Variants in TXNRD3 observed in about 807,000 individuals in gnomAD.
TXNRD3 encodes the protein thioredoxin reductase 3, also known as TXNRD3 neighbor gene protein.
TXNRD3 carries 68 observed loss-of-function variants against 78.2 expected under a neutral mutation model. The ratio of observed to expected loss-of-function variants is 0.87; its 90% CI spans 0.72 to 1.06. TXNRD3 has a LOEUF of 1.06. Ranked by LOEUF, TXNRD3 falls within the 50% of genes least tolerant of loss-of-function variation. The probability of loss-of-function intolerance (pLI) is 0.00; values close to 1 mark genes in which losing one functional copy is unlikely to be tolerated. For missense variants in TXNRD3, 751 were observed against 809.5 expected, an observed-to-expected ratio of 0.93 and a Z score of 0.88; for synonymous variants, 296 against 300.1, an observed-to-expected ratio of 0.99 and a Z score of 0.14.
chr3:126,643,995 TG>T lies in TXNRD3; in HGVS notation c.577del (p.Gln193ArgfsTer12). On this transcript the variant is annotated frameshift_variant, in exon 5 of 16. Coordinates refer to ENST00000524230, the MANE Select transcript of TXNRD3 (RefSeq NM_052883.3). LOFTEE classifies it high-confidence loss of function. Reference sequence around the variant, plus strand: ...AAACAACTTACCCCAGGATGTGCCCTGAGGTGACGGGACAACAAAGTCTAGC... The same window carrying T: ...AAACAACTTACCCCAGGATGTGCCCTAGGTGACGGGACAACAAAGTCTAGC... The T allele has an allele frequency of 1.3e-6, 2 of 1,536,024 alleles. No individual in the cohort carries two copies. The highest frequency in any genetic ancestry group is 1.7e-6 in the Non-Finnish European group (2 of 1,146,894).
chr3:126,625,553 A>T (rs938629317), intron 10 of TXNRD3, among the ~76,000 whole-genome samples: 57 of 151,818 alleles, frequency 3.8e-4, no homozygotes, highest in Non-Finnish European at 1.5e-4. Flanking sequence ...CCAGTCTATC[A>T]TTGTTGGACA....
chr3:126,632,730 G>A (rs1938752932), intron 7 of TXNRD3, among the ~76,000 whole-genome samples: 1 of 151,868 alleles, frequency 6.6e-6, no homozygotes, highest in South Asian at 2.1e-4. Context: ...CCATTCACAT[G>A]CTAATATTAA....
At position 126,633,545 on chromosome 3, in the gene TXNRD3, T is replaced by C. The variant is rs535576111; in HGVS notation, c.855+364A>G. On this transcript the variant is annotated intron_variant, in intron 7 of 15. Coordinates refer to ENST00000524230, the MANE Select transcript of TXNRD3 (RefSeq NM_052883.3). ...TTTATCAATGCTTTTATGAATAATA[T>C]AATATTGGAGTTCTAGTTAAGGTTT... Among the ~76,000 whole-genome samples the C allele has an allele frequency of 5.3e-5, 8 of 152,262 alleles. No homozygotes were observed. The South Asian group carries it at 1.2e-3, about 24-fold the overall frequency.
At chr3:126,622,896 A>G (rs1456752428) in intron 10 of TXNRD3, among the ~76,000 whole-genome samples, 1 of 152,120 alleles carries the variant, frequency 6.6e-6, no homozygotes, top group African/African-American at 2.4e-5. Context: ...GGTGTGCTAT[A>G]AGAAGAGGAG....
chr3:126,616,159 G>A (rs1331299115), intron 12 of TXNRD3, among the ~76,000 whole-genome samples: 1 of 152,222 alleles, frequency 6.6e-6, no homozygotes, highest in East Asian at 1.9e-4. Context: ...CAACTTGGGA[G>A]AAGAGAGGGC....
chr3:126,630,723 T>C lies in TXNRD3; in HGVS notation c.1186A>G (p.Ile396Val). 1 of 1,534,290 alleles carries C rather than the reference T, an allele frequency of 6.5e-7. No homozygotes were observed. ...CCATGCAGCCTTACCATCACAGGTA[T>C]GAATTTCCGTAGGAACTTCACACCA... Residue 396 changes from isoleucine to valine, a missense_variant, in exon 9 of 16, where the codon ATA becomes GTA. By Grantham distance (29) the Ile-to-Val change is conservative (BLOSUM62 3). Transcript: ENST00000524230.
intron 9 of TXNRD3, among the ~76,000 whole-genome samples, chr3:126,630,207 T>G (rs1206320672): frequency 6.6e-6 from 1 of 152,208 alleles, no homozygotes; most frequent in Non-Finnish European, 1.5e-5. Flanking sequence ...GACCACTGGA[T>G]TTGATGACAG....
intron 1 of TXNRD3, among the ~76,000 whole-genome samples, chr3:126,649,090 A>G (rs1933310919): frequency 6.6e-6 from 1 of 152,224 alleles, no homozygotes; most frequent in South Asian, 2.1e-4. Context: ...TGCAAATCAC[A>G]TATATGATAA....
In TXNRD3 at chr3:126,654,793, G is replaced by C. The variant is rs958652530; in HGVS notation, c.198C>G (p.Ser66Arg). 4.2e-6 allele frequency: 6 copies of C among 1,431,292 alleles called. No homozygotes were observed. Among genetic ancestry groups the C allele is most frequent in the African/African-American group, 3.0e-5 (2 of 67,174 alleles). The allele number at this position is 1,431,292 out of a possible 1,614,324, so 88.7% of individuals were successfully genotyped here. Residue 66 changes from serine (S) to arginine (R), a missense_variant, in exon 1 of 16, where the codon AGC (serine) becomes AGG (arginine). Ser to Arg is a moderately radical substitution (Grantham distance 110, BLOSUM62 -1). Coordinates refer to ENST00000524230, the MANE Select transcript of TXNRD3 (RefSeq NM_052883.3). ...AGCTCTTGCTGAAGATCACCACCCG[G>C]CTGCGCTCGATGAGGCCCACGAGGT...
At chr3:126,649,916 G>A (rs948970937) in intron 1 of TXNRD3, among the ~76,000 whole-genome samples, 13 of 152,204 alleles carry the variant, frequency 8.5e-5, no homozygotes, top group Non-Finnish European at 1.8e-4. Context: ...TCTGTGGATG[G>A]ATGCTGCTGA....
chr3:126,626,519 G>A (rs777526118), intron 10 of TXNRD3, among the ~76,000 whole-genome samples: 1 of 152,066 alleles, frequency 6.6e-6, no homozygotes, highest in Non-Finnish European at 1.5e-5. Flanking sequence ...ATACATGAAT[G>A]GCCAATAAAC....
In TXNRD3 at chr3:126,633,972, C is replaced by G; in HGVS notation, c.792G>C (p.Leu264=). The stretch of plus-strand genomic sequence containing the variant: ...TGACATAGGCCACAGCCTTTTCCCT[C>G]AGAGACAACCTGTAGCCCCAGTTTA... Residue 264 remains leucine (L), a synonymous_variant, in exon 7 of 16, where the codon CTG becomes CTC. Coordinates refer to ENST00000524230, the MANE Select transcript of TXNRD3 (RefSeq NM_052883.3). 6.6e-7 allele frequency: 1 copy of G among 1,523,584 alleles called. No homozygotes were observed. The allele number at this position is 1,523,584 out of a possible 1,614,324, so 94.4% of individuals were successfully genotyped here.
chr3:126,609,316 C>T (rs976451421), intron 14 of TXNRD3: 3 of 208,894 alleles, frequency 1.4e-5, no homozygotes, highest in Admixed American at 1.4e-4. Context: ...CCAGGAGAAA[C>T]CCTTGCCCAC....
chr3:126,624,657 G>C (rs1938536488), intron 10 of TXNRD3: 1 of 152,224 alleles, frequency 6.6e-6, no homozygotes, highest in Non-Finnish European at 1.5e-5. Context: ...TCCTGACCTT[G>C]TGACCTGCCC....
At chr3:126,646,700 T>C (rs1452920245) in intron 2 of TXNRD3, among the ~76,000 whole-genome samples, 1 of 152,218 alleles carries the variant, frequency 6.6e-6, no homozygotes, top group African/African-American at 2.4e-5. Context: ...GAGCATTTCA[T>C]TCATTAAGGC....
Position 126,621,894 on chromosome 3 carries a change from C to T in TXNRD3, c.1372G>A (p.Gly458Arg). Residue 458 changes from glycine to arginine, a missense_variant, in exon 12 of 16, where the codon GGA becomes AGA. Transcript: ENST00000524230. ...TCCACATCATTTACAGGTATTTTTCCACTCCTATTAGTTTTTGAAATGGGA... is the reference window on the plus strand; with the variant it reads ...TCCACATCATTTACAGGTATTTTTCTACTCCTATTAGTTTTTGAAATGGGA... 1.3e-6 allele frequency: 2 copies of T among 1,507,992 alleles called. No homozygotes were observed. Among genetic ancestry groups the T allele is most frequent in the East Asian group, 2.5e-5 (1 of 40,530 alleles). The allele number at this position is 1,507,992 out of a possible 1,614,324, so 93.4% of individuals were successfully genotyped here.
chr3:126,630,928 A>G lies in TXNRD3; in HGVS notation c.981T>C (p.Leu327=). 1 of 1,535,008 alleles carries G rather than the reference A, an allele frequency of 6.5e-7. No individual in the cohort carries two copies. Among genetic ancestry groups the G allele is most frequent in the Non-Finnish European group, 8.7e-7 (1 of 1,146,560 alleles). The change falls in exon 9 of 16, where the codon CTT becomes CTC. Residue 327 remains leucine, a synonymous_variant. Transcript: ENST00000524230. ...TGCCAGGGCAATAAGGCAGAGAAAA[A>G]AGGTCATCACTGAAAAATAAAAATT...
chr3:126,639,430 T>C (rs189191839), intron 6 of TXNRD3, among the ~76,000 whole-genome samples: 5 of 152,282 alleles, frequency 3.3e-5, no homozygotes, highest in African/African-American at 1.2e-4. Context: ...CAGTCCCCCA[T>C]GTGCTGTGCC....
intron 10 of TXNRD3, 117 bp downstream of exon 10, chr3:126,629,262 T>C (rs376516742): frequency 1.5e-4 from 113 of 774,550 alleles, no homozygotes; most frequent in African/African-American, 1.1e-3. Flanking sequence ...ATAATGCTCT[T>C]ACAAAGAATA....
Sources: allele counts gnomAD v4.1 joint callset (sites outside exome capture counted in the v4.1 genomes callset), GRCh38; gene constraint gnomAD v4.1.1; transcripts MANE v1.5; gene names NCBI Gene and HGNC (gene_info 2026-07-23, HGNC 2026-07-21).